The following SLC16A2 variants were observed in gnomAD, a reference collection of about 807,000 sequenced individuals.
SLC16A2 encodes the protein monocarboxylate transporter 8.
In SLC16A2, 3 loss-of-function variants were observed where a neutral mutation model predicts 27.2. The observed-to-expected ratio is 0.11, with a 90% CI of 0.05 to 0.28. The LOEUF is 0.28. Among genes scored for constraint, SLC16A2 ranks in the 10% least tolerant of loss-of-function variants. SLC16A2 has a pLI of 1.00. For missense variants in SLC16A2, 295 were observed against 458.5 expected (o/e 0.64, Z 3.26); for synonymous variants, 202 against 187.8 (o/e 1.08, Z -0.62).
At chrX:74,477,057 C>G (rs759386186) in intron 1 of SLC16A2, 1 of 112,056 alleles carries the variant, frequency 8.9e-6, no homozygotes, top group South Asian at 3.7e-4. Context: ...GGAATGGTAC[C>G]AGCTCCTCCT....
chrX:74,442,719 G>A (rs1403890316), intron 1 of SLC16A2, among the ~76,000 whole-genome samples: 2 of 112,323 alleles, frequency 1.8e-5, no homozygotes, highest in Non-Finnish European at 3.7e-5. Context: ...CACTTTGGGA[G>A]GCCAAGGCGG....
chrX:74,433,787 T>C (rs965743306), intron 1 of SLC16A2, among the ~76,000 whole-genome samples: 4 of 112,352 alleles, frequency 3.6e-5, no homozygotes, highest in Non-Finnish European at 3.8e-5. Flanking sequence ...CTTACATTCA[T>C]ACTGCTACTA....
Position 74,421,840 on chromosome X carries a change from A to C in SLC16A2, c.203A>C (p.Glu68Ala). The C allele has an allele frequency of 8.3e-7, 1 of 1,200,230 alleles. No individual in the cohort carries two copies. Among genetic ancestry groups the C allele is most frequent in the Non-Finnish European group, 1.1e-6 (1 of 889,162 alleles). ...LPDPAPLPEL[E>A]FESERVHEPE... The stretch of plus-strand genomic sequence containing the variant: ...GACCCCGCACCCCTGCCGGAGCTGG[A>C]GTTCGAGTCCGAGCGGGTGCACGAA... The change falls in exon 1 of 6, where the codon GAG (glutamate) becomes GCG (alanine). Residue 68 changes from glutamate (E) to alanine (A), a missense_variant. Transcript: ENST00000587091.
intron 1 of SLC16A2, among the ~76,000 whole-genome samples, chrX:74,470,919 C>T (rs1359607730): frequency 9.1e-6 from 1 of 110,361 alleles, no homozygotes; most frequent in Non-Finnish European, 1.9e-5. Flanking sequence ...GCCTGGGCTA[C>T]AGAGCGAGAC....
At chrX:74,519,171 T>C (rs1202619291) in intron 1 of SLC16A2, among the ~76,000 whole-genome samples, 4 of 109,960 alleles carry the variant, frequency 3.6e-5, no homozygotes, top group African/African-American at 1.3e-4. Context: ...ATACATATAA[T>C]TTTATCTGAT....
chrX:74,461,407 A>AGT (rs140818072), intron 1 of SLC16A2, among the ~76,000 whole-genome samples: 38,038 of 103,574 alleles, frequency 0.37, 5,852 homozygotes, highest in East Asian at 0.93. Flanking sequence ...AGAGAGAGAG[A>AGT]GTGTGTGTGT....
chrX:74,467,500 T>C (rs780380344), intron 1 of SLC16A2, among the ~76,000 whole-genome samples: 5 of 111,571 alleles, frequency 4.5e-5, no homozygotes, highest in Non-Finnish European at 9.4e-5. Flanking sequence ...GCCCAAAGTA[T>C]GTCTCAGAAA....
chrX:74,435,528 T>TATATATGTGTATATATATGC (rs1394418462), intron 1 of SLC16A2, among the ~76,000 whole-genome samples: 8 of 65,835 alleles, frequency 1.2e-4, no homozygotes, highest in African/African-American at 6.6e-4. Context: ...TATATATGCA[T>TATATATGTGTATATATATGC]ATATATATGT....
intron 1 of SLC16A2, among the ~76,000 whole-genome samples, chrX:74,425,579 A>T (rs1928388584): frequency 9.0e-6 from 1 of 111,061 alleles, no homozygotes; most frequent in Admixed American, 9.6e-5. Flanking sequence ...GCCCAAGCAT[A>T]GCTTCTTGGG....
chrX:74,459,780 G>A (rs1929104223), intron 1 of SLC16A2, among the ~76,000 whole-genome samples: 1 of 111,414 alleles, frequency 9.0e-6, no homozygotes, highest in African/African-American at 3.3e-5. Flanking sequence ...AGACTCGGGT[G>A]ATTAAGAAGA....
chrX:74,481,588 C>T (rs1485308460), intron 1 of SLC16A2, among the ~76,000 whole-genome samples: 1 of 109,909 alleles, frequency 9.1e-6, no homozygotes, highest in African/African-American at 3.3e-5. Flanking sequence ...TTTGCATCTT[C>T]TCTTTATTTT....
chrX:74,443,557 G>C (rs1928789763), intron 1 of SLC16A2, among the ~76,000 whole-genome samples: 1 of 112,465 alleles, frequency 8.9e-6, no homozygotes, highest in African/African-American at 3.2e-5. Flanking sequence ...CTGGCTCCAG[G>C]TCTCAGGTGA....
chrX:74,500,807 G>A (rs1930017327), intron 1 of SLC16A2, among the ~76,000 whole-genome samples: 1 of 110,983 alleles, frequency 9.0e-6, no homozygotes, highest in African/African-American at 3.3e-5. Context: ...AAATTCTACA[G>A]CAATCGATTG....
intron 1 of SLC16A2, among the ~76,000 whole-genome samples, chrX:74,494,904 G>A (rs1466633856): frequency 1.8e-5 from 2 of 111,129 alleles, no homozygotes; most frequent in Non-Finnish European, 3.8e-5. Context: ...GAAAGGTGAG[G>A]GAAGCCTTTA....
chrX:74,429,761 C>G (rs1425083385), intron 1 of SLC16A2, among the ~76,000 whole-genome samples: 6 of 111,917 alleles, frequency 5.4e-5, no homozygotes, highest in Non-Finnish European at 1.1e-4. Context: ...TTACTTAGAA[C>G]ATGGTGCCTA....
intron 1 of SLC16A2, among the ~76,000 whole-genome samples, chrX:74,501,102 C>T (rs1218692075): frequency 9.2e-6 from 1 of 108,813 alleles, no homozygotes; most frequent in East Asian, 3.0e-4. Flanking sequence ...ATAGTCTTTA[C>T]AATAACCCTA....
At chrX:74,473,134 C>A (rs1367398410) in intron 1 of SLC16A2, 1 of 586,644 alleles carries the variant, frequency 1.7e-6, no homozygotes, top group East Asian at 3.3e-5. Flanking sequence ...CTTCTGACTC[C>A]AAAGTTTCAT....
chrX:74,494,188 T>C (rs1929891341), intron 1 of SLC16A2, among the ~76,000 whole-genome samples: 1 of 112,501 alleles, frequency 8.9e-6, no homozygotes, highest in African/African-American at 3.2e-5. Flanking sequence ...GCCAGTGTTA[T>C]GTGTATTTGA....
At chrX:74,435,378 G>A (rs996451243) in intron 1 of SLC16A2, among the ~76,000 whole-genome samples, 18 of 107,903 alleles carry the variant, frequency 1.7e-4, no homozygotes, top group Admixed American at 4.1e-4. Context: ...GGGCAAGTGA[G>A]TGCCCTGAGG....
Sources: gnomAD v4.1 joint callset for allele counts (sites outside exome capture counted in the v4.1 genomes callset) on GRCh38, gnomAD v4.1.1 for gene constraint, MANE v1.5 for transcripts, NCBI Gene and HGNC (gene_info 2026-07-23, HGNC 2026-07-21) for gene names.